TBCK: variants seen among roughly 807,000 people sequenced by gnomAD.
The protein encoded by TBCK is TBC1 domain containing kinase, also known as TBC domain-containing protein kinase-like protein.
A neutral mutation model predicts 113.4 loss-of-function variants in TBCK; 99 were observed. The observed-to-expected ratio is 0.87, with a 90% CI of 0.74 to 1.03. The LOEUF (loss-of-function observed/expected upper bound fraction) is 1.03. Ranked by LOEUF, TBCK falls within the 50% of genes least tolerant of loss-of-function variation. The probability of loss-of-function intolerance (pLI) is 0.00; values close to 1 mark genes in which losing one functional copy is unlikely to be tolerated. For synonymous variants in TBCK, 369 were observed against 370.8 expected, an observed-to-expected ratio of 1.00 and a Z score of 0.05; for missense variants, 1,045 against 1,061.3, an observed-to-expected ratio of 0.98 and a Z score of 0.21.
chr4:106,281,173 A>G (rs1326216134), intron 3 of TBCK, among the ~76,000 whole-genome samples: 1 of 152,020 alleles, frequency 6.6e-6, no homozygotes, highest in African/African-American at 2.4e-5. Context: ...ATTTGTAGCT[A>G]TTATAAATGG....
intron 1 of TBCK, among the ~76,000 whole-genome samples, chr4:106,311,495 TAAAAC>T (rs1768192196): frequency 6.6e-6 from 1 of 151,338 alleles, no homozygotes; most frequent in African/African-American, 2.4e-5. Flanking sequence ...AAACAAAAAA[TAAAAC>T]AAATAATTCT....
At chr4:106,099,581 T>C (rs921038152) in intron 24 of TBCK, among the ~76,000 whole-genome samples, 91 of 152,312 alleles carry the variant, frequency 6.0e-4, no homozygotes, top group African/African-American at 2.1e-3. Context: ...TGTTTAGATA[T>C]CATGATTTTC....
intron 20 of TBCK, among the ~76,000 whole-genome samples, chr4:106,203,729 A>T (rs893156785): frequency 1.3e-5 from 2 of 152,102 alleles, no homozygotes; most frequent in African/African-American, 4.8e-5. Context: ...CTATTATTCC[A>T]GAATATATTT....
chr4:106,211,096 A>G (rs1027303180), intron 20 of TBCK, among the ~76,000 whole-genome samples: 2 of 152,168 alleles, frequency 1.3e-5, no homozygotes, highest in Admixed American at 6.5e-5. Flanking sequence ...ACTTGTCTAC[A>G]TAAATGTTTT....
In TBCK at chr4:106,201,313, A is replaced by G. The variant is rs190019094; in HGVS notation, c.1861-6559T>C. Among the ~76,000 whole-genome samples, 14 of 152,112 alleles carry G rather than the reference A, an allele frequency of 9.2e-5. No homozygotes were observed. The East Asian group carries it at 2.3e-3, about 25-fold the overall frequency. ...TTTTCATCTTAAATAATTACTCAGGATATTGGCACAGCTTCATAATATAGC... is the reference window on the plus strand; with the variant it reads ...TTTTCATCTTAAATAATTACTCAGGGTATTGGCACAGCTTCATAATATAGC... On this transcript the variant is annotated intron_variant, in intron 20 of 25. Coordinates refer to ENST00000394708, the MANE Select transcript of TBCK (RefSeq NM_001163435.3).
intron 1 of TBCK, among the ~76,000 whole-genome samples, chr4:106,313,524 T>C (rs1293738306): frequency 1.3e-5 from 2 of 152,250 alleles, no homozygotes; most frequent in Non-Finnish European, 2.9e-5. Context: ...TACCTTTCAC[T>C]TGCCTTTTGT....
chr4:106,245,947 A>C (rs1203007065), intron 10 of TBCK, among the ~76,000 whole-genome samples: 1 of 152,130 alleles, frequency 6.6e-6, no homozygotes, highest in Non-Finnish European at 1.5e-5. Context: ...AACTAGAAAA[A>C]AACATCTGGA....
chr4:106,176,907 G>C (rs1751733933), intron 22 of TBCK, among the ~76,000 whole-genome samples: 1 of 149,908 alleles, frequency 6.7e-6, no homozygotes, highest in Non-Finnish European at 1.5e-5. Context: ...GCATTTCTCT[G>C]ATAATTAGTG....
At chr4:106,193,480 A>AG in intron 22 of TBCK, 129 bp downstream of exon 22, 1 of 869,616 alleles carries the variant, frequency 1.1e-6, no homozygotes. Context: ...AAGAATCCAG[A>AG]GAGGATGATG....
At chr4:106,056,266 TA>T (rs915504079) in intron 25 of TBCK, among the ~76,000 whole-genome samples, 1 of 147,428 alleles carries the variant, frequency 6.8e-6, no homozygotes. Flanking sequence ...TTTTTTTAAT[TA>T]ATTTTTTTTT....
At chr4:106,160,388 G>C (rs2149705771) in intron 23 of TBCK, among the ~76,000 whole-genome samples, 1 of 151,794 alleles carries the variant, frequency 6.6e-6, no homozygotes, top group African/African-American at 2.4e-5. Context: ...GAATAATATT[G>C]AGAATATATA....
At chr4:106,238,022 T>G (rs1490194328) in intron 12 of TBCK, among the ~76,000 whole-genome samples, 1 of 152,090 alleles carries the variant, frequency 6.6e-6, no homozygotes, top group East Asian at 1.9e-4. Context: ...TTAATATTTC[T>G]TAATAACTAC....
intron 19 of TBCK, among the ~76,000 whole-genome samples, chr4:106,229,732 T>C (rs1277212075): frequency 3.3e-5 from 5 of 151,370 alleles, no homozygotes; most frequent in Non-Finnish European, 5.9e-5. Flanking sequence ...CTGGGTCTTT[T>C]GTGGGTCCAT....
At chr4:106,275,217 C>A (rs1763899196) in intron 3 of TBCK, among the ~76,000 whole-genome samples, 1 of 152,076 alleles carries the variant, frequency 6.6e-6, no homozygotes, top group Non-Finnish European at 1.5e-5. Flanking sequence ...ACACATTTAA[C>A]AACATTAAAT....
intron 25 of TBCK, among the ~76,000 whole-genome samples, chr4:106,090,146 G>A (rs1436133425): frequency 6.6e-6 from 1 of 152,236 alleles, no homozygotes; most frequent in African/African-American, 2.4e-5. Context: ...TGGAATCCAG[G>A]TGGGAGTTGC....
At chr4:106,228,513 G>A (rs1758489480) in intron 19 of TBCK, among the ~76,000 whole-genome samples, 1 of 151,556 alleles carries the variant, frequency 6.6e-6, no homozygotes, top group Non-Finnish European at 1.5e-5. Flanking sequence ...TTTTGTGCCT[G>A]GCTTATTTCA....
At chr4:106,295,595 C>G (rs986364624) in intron 2 of TBCK, among the ~76,000 whole-genome samples, 6 of 151,990 alleles carry the variant, frequency 3.9e-5, no homozygotes, top group African/African-American at 1.4e-4. Context: ...CATTCAGAAA[C>G]TTGAAAAAAA....
intron 19 of TBCK, among the ~76,000 whole-genome samples, chr4:106,218,056 A>G (rs1757186368): frequency 6.9e-6 from 1 of 145,348 alleles, no homozygotes; most frequent in African/African-American, 2.6e-5. Context: ...GCCCTCAGAA[A>G]TAACGCCGCA....
At chr4:106,077,829 T>C (rs1335647161) in intron 25 of TBCK, among the ~76,000 whole-genome samples, 3 of 152,158 alleles carry the variant, frequency 2.0e-5, no homozygotes, top group African/African-American at 7.2e-5. Flanking sequence ...TACAGAACAC[T>C]CCATCCAACA....
Sources: gnomAD v4.1 joint callset for allele counts (sites outside exome capture counted in the v4.1 genomes callset) on GRCh38, gnomAD v4.1.1 for gene constraint, MANE v1.5 for transcripts, NCBI Gene and HGNC (gene_info 2026-07-23, HGNC 2026-07-21) for gene names.